The following ZNF511 variants were observed in gnomAD, a reference collection of about 807,000 sequenced individuals.
ZNF511 encodes the protein zinc finger protein 511.
A neutral mutation model predicts 24.8 loss-of-function variants in ZNF511; 26 were observed. That is an observed-to-expected ratio of 1.05 (90% confidence interval 0.77 to 1.46). The LOEUF is 1.46. Among genes scored for constraint, ZNF511 ranks in the 40% most tolerant of loss-of-function variants. ZNF511 has a pLI of 0.00. For missense variants in ZNF511, 358 were observed against 345.0 expected (o/e 1.04, Z -0.30); for synonymous variants, 144 against 139.6 (o/e 1.03, Z -0.22).
chr10:133,310,141 A>C, intron 3 of ZNF511, 23 bp from the exon 4 acceptor site: 1 of 1,613,232 alleles, frequency 6.2e-7, no homozygotes, highest in South Asian at 1.1e-5. Flanking sequence ...GGTCAGAGGG[A>C]GGTGACACGG....
chr10:133,309,576 C>G, intron 2 of ZNF511, 113 bp downstream of exon 2: 1 of 1,339,226 alleles, frequency 7.5e-7, no homozygotes, highest in East Asian at 2.5e-5. Flanking sequence ...CCCACCGAGG[C>G]GCTGTGCCTG....
intron 4 of ZNF511, among the ~76,000 whole-genome samples, chr10:133,310,824 CAG>C (rs1220286319): frequency 6.6e-6 from 1 of 150,804 alleles, no homozygotes; most frequent in African/African-American, 2.4e-5. Context: ...TTTTTTGAGA[CAG>C]GGTCTTGCTC....
chr10:133,312,506 C>T, intron 5 of ZNF511: 1 of 1,324,342 alleles, frequency 7.6e-7, no homozygotes, highest in Non-Finnish European at 9.6e-7. Context: ...ATGGAATGGA[C>T]ATGGGGTAGC....
chr10:133,311,549 C>T, intron 4 of ZNF511, 167 bp from the exon 5 acceptor site: 1 of 604,522 alleles, frequency 1.7e-6, no homozygotes, highest in Non-Finnish European at 2.9e-6. Flanking sequence ...AATCATTCTC[C>T]TTTTCCCAGT....
At chr10:133,311,684 C>T (rs768140354) in intron 4 of ZNF511, 32 bp from the exon 5 acceptor site, 2 of 1,579,162 alleles carry the variant, frequency 1.3e-6, no homozygotes, top group Non-Finnish European at 1.7e-6. Flanking sequence ...GGGAGCCGTG[C>T]AGGGCAGTTA....
At chr10:133,311,535 C>A in intron 4 of ZNF511, 181 bp from the exon 5 acceptor site, 1 of 585,094 alleles carries the variant, frequency 1.7e-6, no homozygotes, top group Non-Finnish European at 3.0e-6. Flanking sequence ...AATGGCCTTG[C>A]TGTAATCATT....
In ZNF511 at chr10:133,308,923, C is replaced by T; in HGVS notation, c.-21C>T. ...CTCGCGGACGGTGGCCGACAGGCTG[C>T]GCCCGCCCGCGCCCGGGGTGATGCA... On this transcript the variant is annotated 5_prime_UTR_variant, in exon 1 of 6. Coordinates refer to ENST00000361518, the MANE Select transcript of ZNF511 (RefSeq NM_145806.4). 1 of 1,214,194 alleles carries T rather than the reference C, an allele frequency of 8.2e-7. No homozygotes were observed. The highest frequency in any genetic ancestry group is 1.0e-6 in the Non-Finnish European group (1 of 973,328). 75.2% of individuals were successfully genotyped at this position (1,214,194 alleles called of 1,614,324 possible).
chr10:133,309,443 C>G lies in ZNF511; in HGVS notation c.207C>G (p.Ala69=), dbSNP rs138971034. 20 of 1,612,318 alleles carry G rather than the reference C, an allele frequency of 1.2e-5. No homozygotes were observed. The highest frequency in any genetic ancestry group is 1.6e-5 in the Non-Finnish European group (19 of 1,179,716). ...TCCAGGACGTGATCATGCAGGTGGC[C>G]GACGTGCCTGAGAAGCCCAGGTAAG... is the stretch of plus-strand genomic sequence containing the variant. ...LYLQDVIMQV[A]DVPEKPRVPA... is the part of the protein sequence containing the mutation. Residue 69 remains alanine, a synonymous_variant, in exon 2 of 6, where the codon GCC becomes GCG. Coordinates refer to ENST00000361518, the MANE Select transcript of ZNF511 (RefSeq NM_145806.4).
intron 3 of ZNF511, 79 bp downstream of exon 3, chr10:133,310,056 C>T: frequency 6.2e-7 from 1 of 1,609,112 alleles, no homozygotes; most frequent in Non-Finnish European, 8.5e-7. Flanking sequence ...CTCTCGGGTG[C>T]TCGGGCAAGG....
intron 3 of ZNF511, 92 bp downstream of exon 3, chr10:133,310,069 G>A (rs1163245906): frequency 3.8e-5 from 61 of 1,609,218 alleles, no homozygotes; most frequent in Non-Finnish European, 4.7e-5. Context: ...GGGCAAGGCC[G>A]GGGACACCTT....
chr10:133,312,543 G>C, intron 5 of ZNF511: 2 of 1,384,764 alleles, frequency 1.4e-6, no homozygotes, highest in Admixed American at 6.4e-5. Context: ...AGAGGGCTTG[G>C]CAGGAGCCGC....
chr10:133,309,630 G>C, intron 2 of ZNF511, 146 bp from the exon 3 acceptor site: 1 of 1,256,942 alleles, frequency 8.0e-7, no homozygotes, highest in Non-Finnish European at 1.1e-6. Flanking sequence ...TAGCCTGTTT[G>C]TGAAACTTAA....
Position 133,312,897 on chromosome 10 carries a change from C to A in ZNF511, c.*31C>A, listed in dbSNP as rs1193236470. ...TCAGAAAAGGAGTGGGGGGCAGTCACCACTGCTGGGCGTGGCATCCGCCTT... is the reference window on the plus strand; with the variant it reads ...TCAGAAAAGGAGTGGGGGGCAGTCAACACTGCTGGGCGTGGCATCCGCCTT... On this transcript the variant is annotated 3_prime_UTR_variant, in exon 6 of 6. Transcript: ENST00000361518. 6.2e-7 allele frequency: 1 copy of A among 1,613,726 alleles called. No homozygotes were observed. The highest frequency in any genetic ancestry group is 1.3e-5 in the African/African-American group (1 of 74,940).
intron 4 of ZNF511, 78 bp downstream of exon 4, chr10:133,310,366 G>A (rs541557011): frequency 1.2e-5 from 19 of 1,574,412 alleles, no homozygotes; most frequent in Admixed American, 1.0e-4. Context: ...ATGCATAGAC[G>A]GTCAGACTTA....
Position 133,309,387 on chromosome 10 carries a change from C to T in ZNF511, c.154-3C>T, listed in dbSNP as rs771825413. On this transcript the variant is annotated splice_polypyrimidine_tract_variant and splice_region_variant and intron_variant, in intron 1 of 5. Coordinates refer to ENST00000361518, the MANE Select transcript of ZNF511 (RefSeq NM_145806.4). ...CCCCGCCCACGGCGCACTTTTCCTG[C>T]AGGATGGGGACGTGCAGCGCCACCT... is the stretch of plus-strand genomic sequence containing the variant. 22 of 1,610,746 alleles carry T rather than the reference C, an allele frequency of 1.4e-5. 1 individual carries two copies. The highest frequency in any genetic ancestry group is 1.1e-4 in the South Asian group (10 of 90,830).
chr10:133,309,541 C>A (rs549041009), intron 2 of ZNF511, 78 bp downstream of exon 2: 102 of 1,507,902 alleles, frequency 6.8e-5, no homozygotes, highest in Non-Finnish European at 9.1e-5. Context: ...TGGGGCTGTG[C>A]TGCCGCTCTT....
At chr10:133,312,337 A>T in intron 5 of ZNF511, 1 of 1,163,456 alleles carries the variant, frequency 8.6e-7, no homozygotes, top group Non-Finnish European at 1.1e-6. Flanking sequence ...AGTTGATTTT[A>T]AATTAATTTG....
rs1847905458 is a variant in ZNF511, at chr10:133,308,921, T to TGCGCCCGCCC, written c.-15_-6dup. 2 of 1,214,144 alleles carry TGCGCCCGCCC rather than the reference T, an allele frequency of 1.6e-6. No homozygotes were observed. The highest frequency in any genetic ancestry group is 2.1e-6 in the Non-Finnish European group (2 of 973,392). 75.2% of individuals were successfully genotyped at this position (1,214,144 alleles called of 1,614,324 possible). A position where few individuals can be genotyped will look rare whatever the true frequency, so the allele number is the denominator to read the frequency against. Reference sequence around the variant, plus strand: ...GGCTCGCGGACGGTGGCCGACAGGCTGCGCCCGCCCGCGCCCGGGGTGATG... The same window carrying TGCGCCCGCCC: ...GGCTCGCGGACGGTGGCCGACAGGCTGCGCCCGCCCGCGCCCGCCCGCGCCCGGGGTGATG... On this transcript the variant is annotated 5_prime_UTR_variant, in exon 1 of 6. Transcript: ENST00000361518.
At chr10:133,310,639 C>T (rs1847970583) in intron 4 of ZNF511, 6 of 314,832 alleles carry the variant, frequency 1.9e-5, no homozygotes, top group Admixed American at 4.7e-5. Flanking sequence ...TCACACCCCT[C>T]GGGGCCGTGT....
Sources: allele counts gnomAD v4.1 joint callset (sites outside exome capture counted in the v4.1 genomes callset), GRCh38; gene constraint gnomAD v4.1.1; transcripts MANE v1.5; gene names NCBI Gene and HGNC (gene_info 2026-07-23, HGNC 2026-07-21).